CPEB1: variants seen among roughly 807,000 people sequenced by gnomAD.
CPEB1 encodes cytoplasmic polyadenylation element-binding protein 1.
Under a neutral mutation model 65.8 loss-of-function variants are expected in CPEB1, and 7 were observed. That is an observed-to-expected ratio of 0.11 (90% CI 0.06 to 0.20). CPEB1 has a LOEUF of 0.20. Ranked by LOEUF, CPEB1 falls within the 10% of genes least tolerant of loss-of-function variation. The probability of loss-of-function intolerance (pLI) is 1.00; values close to 1 mark genes in which losing one functional copy is unlikely to be tolerated. For missense variants in CPEB1, 551 were observed against 712.2 expected, an observed-to-expected ratio of 0.77 and a Z score of 2.58; for synonymous variants, 262 against 260.0, an observed-to-expected ratio of 1.01 and a Z score of -0.08.
intron 1 of CPEB1, among the ~76,000 whole-genome samples, chr15:82,646,831 G>A (rs911202349): frequency 2.0e-5 from 3 of 152,106 alleles, no homozygotes; most frequent in Non-Finnish European, 4.4e-5. Flanking sequence ...ACCCCTTTGT[G>A]GGTGAGTCCC....
intron 3 of CPEB1, among the ~76,000 whole-genome samples, chr15:82,581,505 A>G (rs573855984): frequency 3.3e-5 from 5 of 152,002 alleles, no homozygotes; most frequent in East Asian, 3.9e-4. Context: ...ACTATGTTTA[A>G]TTTTTTTTGG....
rs2034805330 is a variant in CPEB1, at chr15:82,544,388, C to T, written c.*204G>A. 5.9e-6 allele frequency: 3 copies of T among 508,534 alleles called. No individual in the cohort carries two copies. Among genetic ancestry groups the T allele is most frequent in the East Asian group, 3.4e-5 (1 of 29,188 alleles). 31.5% of individuals were successfully genotyped at this position (508,534 alleles called of 1,614,324 possible). A position where few individuals can be genotyped will look rare whatever the true frequency, so the allele number is the denominator to read the frequency against. The stretch of plus-strand genomic sequence containing the variant: ...CCAGAGGGTCCTTGCCCTTGGTACA[C>T]CCCCTGAAAACAAAACCTGACAAAA... On this transcript the variant is annotated 3_prime_UTR_variant, in exon 13 of 13. Transcript: ENST00000684509.
At chr15:82,604,318 C>T (rs1306157299) in intron 3 of CPEB1, among the ~76,000 whole-genome samples, 1 of 152,018 alleles carries the variant, frequency 6.6e-6, no homozygotes, top group Admixed American at 6.6e-5. Flanking sequence ...CCTGTCTCTA[C>T]TAAAATACAA....
intron 1 of CPEB1, among the ~76,000 whole-genome samples, chr15:82,631,127 G>C (rs1475935607): frequency 2.6e-5 from 4 of 151,986 alleles, no homozygotes; most frequent in African/African-American, 9.7e-5. Context: ...CTGGGAGAAA[G>C]GTATTCCTTA....
At chr15:82,545,731 C>T (rs1451706598) in intron 12 of CPEB1, among the ~76,000 whole-genome samples, 1 of 152,138 alleles carries the variant, frequency 6.6e-6, no homozygotes, top group Non-Finnish European at 1.5e-5. Flanking sequence ...AGCCCAGATG[C>T]AAATATCAAA....
At chr15:82,647,746 C>G, upstream of CPEB1, 2 of 1,021,994 alleles carry the variant, frequency 2.0e-6, no homozygotes, top group Non-Finnish European at 2.5e-6. Context: ...GACTCGCCCG[C>G]ACGGGGCGGG....
chr15:82,566,023 T>C (rs941358308), intron 4 of CPEB1, among the ~76,000 whole-genome samples: 1 of 152,198 alleles, frequency 6.6e-6, no homozygotes, highest in East Asian at 1.9e-4. Context: ...AGCAGTGATA[T>C]TTTTAGACTG....
chr15:82,647,893 G>C, upstream of CPEB1: 1 of 1,233,528 alleles, frequency 8.1e-7, no homozygotes, highest in Non-Finnish European at 1.0e-6. Flanking sequence ...GCCCTGCGGG[G>C]CTGACGGGCT....
chr15:82,551,512 T>C (rs2036251320), intron 9 of CPEB1, among the ~76,000 whole-genome samples: 1 of 152,206 alleles, frequency 6.6e-6, no homozygotes, highest in Non-Finnish European at 1.5e-5. Context: ...ATCCACCATA[T>C]ACAGAATAGT....
At position 82,594,754 on chromosome 15, in the gene CPEB1, T is replaced by G. The variant is rs558071825; in HGVS notation, c.272-23222A>C. Among the ~76,000 whole-genome samples, 3 of 152,318 alleles carry G rather than the reference T, an allele frequency of 2.0e-5. No individual in the cohort carries two copies. In the East Asian group the frequency reaches 5.8e-4, roughly 29 times the overall value. On this transcript the variant is annotated intron_variant, in intron 3 of 12. Coordinates refer to ENST00000684509, the MANE Select transcript of CPEB1 (RefSeq NM_001365242.1). ...ATCATTTCTAGTTTTTGATGTAAAC[T>G]GAGACACATGTGACTCTTCCCTTCA... is the stretch of plus-strand genomic sequence containing the variant.
intron 1 of CPEB1, among the ~76,000 whole-genome samples, chr15:82,630,452 A>T (rs72751675): frequency 6.6e-6 from 1 of 151,954 alleles, no homozygotes; most frequent in Non-Finnish European, 1.5e-5. Context: ...AAAAAATACA[A>T]AACATTAGAC....
intron 1 of CPEB1, among the ~76,000 whole-genome samples, chr15:82,631,104 C>T (rs2046208817): frequency 1.3e-5 from 2 of 152,028 alleles, no homozygotes; most frequent in South Asian, 4.1e-4. Flanking sequence ...GGAACAGATG[C>T]AGACTTGGGA....
At chr15:82,579,473 A>G (rs935550071) in intron 3 of CPEB1, among the ~76,000 whole-genome samples, 1 of 144,478 alleles carries the variant, frequency 6.9e-6, no homozygotes, top group Non-Finnish European at 1.5e-5. Flanking sequence ...TTAAAGAATA[A>G]AACTTTATCA....
intron 4 of CPEB1, among the ~76,000 whole-genome samples, chr15:82,562,668 G>A (rs1457187118): frequency 1.3e-5 from 2 of 151,942 alleles, no homozygotes; most frequent in Non-Finnish European, 2.9e-5. Flanking sequence ...AGTAAGGCCT[G>A]TCTCTAAAAA....
Position 82,573,192 on chromosome 15 carries a change from C to A in CPEB1, c.272-1660G>T, listed in dbSNP as rs538075032. 3.1e-5 allele frequency: 47 copies of A among 1,523,724 alleles called. No individual in the cohort carries two copies. In the African/African-American group the frequency reaches 5.4e-4, roughly 17 times the overall value. 94.4% of individuals were successfully genotyped at this position (1,523,724 alleles called of 1,614,324 possible). ...CACCCTGTGTCCACAGGCACTCAGG[C>A]ATAGCCTAGAAGGGAAAATTATCAG... On this transcript the variant is annotated intron_variant, in intron 3 of 12. Coordinates refer to ENST00000684509, the MANE Select transcript of CPEB1 (RefSeq NM_001365242.1).
At chr15:82,602,761 G>T (rs1379286018) in intron 3 of CPEB1, among the ~76,000 whole-genome samples, 1 of 152,124 alleles carries the variant, frequency 6.6e-6, no homozygotes, top group Non-Finnish European at 1.5e-5. Flanking sequence ...CAGAAGAATC[G>T]CTTGAACCCG....
At chr15:82,640,814 A>T (rs2047043008) in intron 1 of CPEB1, 1 of 152,068 alleles carries the variant, frequency 6.6e-6, no homozygotes, top group Non-Finnish European at 1.5e-5. Flanking sequence ...GACAGGAATG[A>T]TCCAACAGGG....
chr15:82,618,113 A>G (rs2044930640), intron 3 of CPEB1, among the ~76,000 whole-genome samples: 1 of 151,976 alleles, frequency 6.6e-6, no homozygotes, highest in Admixed American at 6.6e-5. Context: ...AAAGAGTGGA[A>G]CCACTGGGTC....
Position 82,571,431 on chromosome 15 carries a change from C to G in CPEB1, c.373G>C (p.Gly125Arg). 6.2e-7 allele frequency: 1 copy of G among 1,614,064 alleles called. No homozygotes were observed. Among genetic ancestry groups the G allele is most frequent in the Non-Finnish European group, 8.5e-7 (1 of 1,180,014 alleles). ...GLPDANDLCLGLQSLSLTGWD... is the reference protein window; with the variant it reads ...GLPDANDLCLRLQSLSLTGWD... ...CCTGTCAGACTGAGGGACTGCAGGCCAAGGCACAAGTCATTTGCATCTGGG... is the reference window on the plus strand; with the variant it reads ...CCTGTCAGACTGAGGGACTGCAGGCGAAGGCACAAGTCATTTGCATCTGGG... The change falls in exon 4 of 13, where the codon GGC (glycine) becomes CGC (arginine). Residue 125 changes from glycine to arginine, a missense_variant. Physicochemically the swap from Gly to Arg is moderately radical, Grantham distance 125 (BLOSUM62 -2). Coordinates refer to ENST00000684509, the MANE Select transcript of CPEB1 (RefSeq NM_001365242.1).
Sources: gnomAD v4.1 joint callset for allele counts (sites outside exome capture counted in the v4.1 genomes callset) on GRCh38, gnomAD v4.1.1 for gene constraint, MANE v1.5 for transcripts, NCBI Gene and HGNC (gene_info 2026-07-23, HGNC 2026-07-21) for gene names.